The following RORB variants were observed in gnomAD, a reference collection of about 807,000 sequenced individuals.
The protein encoded by RORB is nuclear receptor ROR-beta.
RORB carries 6 observed loss-of-function variants against 59.1 expected under a neutral mutation model. The ratio of observed to expected loss-of-function variants is 0.10; its 90% confidence interval spans 0.06 to 0.20. The LOEUF is 0.20. Ranked by LOEUF, RORB falls within the 10% of genes least tolerant of loss-of-function variation. RORB has a pLI of 1.00. For synonymous variants in RORB, 215 were observed against 204.5 expected (o/e 1.05, Z -0.44); for missense variants, 320 against 560.5 (o/e 0.57, Z 4.33).
chr9:74,570,651 C>A (rs1822537333), intron 1 of RORB, among the ~76,000 whole-genome samples: 1 of 152,020 alleles, frequency 6.6e-6, no homozygotes, highest in African/African-American at 2.4e-5. Flanking sequence ...TTCTAGCTTT[C>A]ACATAAGAAA....
Position 74,603,335 on chromosome 9 carries a change from C to A in RORB, c.8-26947C>A, listed in dbSNP as rs147742210. On this transcript the variant is annotated intron_variant, in intron 1 of 9. Coordinates refer to ENST00000376896, the MANE Select transcript of RORB (RefSeq NM_006914.4). ...CATGCTCAGTAGCAACCACCATCTT[C>A]TGACCGCTTTCTATTTGCCAAGCAC... Among the ~76,000 whole-genome samples, 1,007 of 152,310 alleles carry A rather than the reference C, an allele frequency of 6.6e-3. 6 individuals carry two copies. The highest frequency in any genetic ancestry group is 0.011 in the Non-Finnish European group (727 of 68,036).
intron 2 of RORB, among the ~76,000 whole-genome samples, chr9:74,631,956 C>T (rs575958218): frequency 6.5e-4 from 99 of 152,248 alleles, no homozygotes; most frequent in Non-Finnish European, 1.0e-3. Flanking sequence ...AGTCAGAATC[C>T]TCTCCATTGA....
intron 4 of RORB, among the ~76,000 whole-genome samples, chr9:74,647,457 G>A (rs971318448): frequency 1.3e-5 from 2 of 152,076 alleles, no homozygotes; most frequent in African/African-American, 2.4e-5. Flanking sequence ...CATCAAATTA[G>A]CTACAATGCT....
At chr9:74,556,850 A>G (rs1822299705) in intron 1 of RORB, among the ~76,000 whole-genome samples, 2 of 152,162 alleles carry the variant, frequency 1.3e-5, no homozygotes, top group Admixed American at 6.5e-5. Context: ...CCATCCTGCT[A>G]TTGCTACAAT....
intron 2 of RORB, 145 bp from the exon 3 acceptor site, chr9:74,634,482 TGCAA>T: frequency 1.5e-6 from 1 of 646,064 alleles, no homozygotes; most frequent in East Asian, 3.0e-5. Context: ...CAGAAATATC[TGCAA>T]GCCATACAAG....
chr9:74,665,635 C>T (rs1421331799), intron 7 of RORB, 40 bp downstream of exon 7: 6 of 1,233,208 alleles, frequency 4.9e-6, no homozygotes, highest in African/African-American at 3.0e-5. Flanking sequence ...TTATTAGCCA[C>T]CATCAGTTTC....
At chr9:74,579,785 CAG>C (rs1260658417) in intron 1 of RORB, among the ~76,000 whole-genome samples, 3 of 152,122 alleles carry the variant, frequency 2.0e-5, no homozygotes, top group East Asian at 1.9e-4. Flanking sequence ...TGTCAGTGGA[CAG>C]AGTTTCTTTC....
rs183302029 is a variant in RORB, at chr9:74,617,317, T to C, written c.8-12965T>C. 8.8e-4 allele frequency among the ~76,000 whole-genome samples: 134 copies of C among 152,278 alleles called. No homozygotes were observed. The Middle Eastern group carries it at 0.017, about 19-fold the overall frequency. ...GATTGTTCTACTTGTAAAAAAGCAA[T>C]TTGAAAGATGGAAATTTGTTAAAGT... is the stretch of plus-strand genomic sequence containing the variant. On this transcript the variant is annotated intron_variant, in intron 1 of 9. Transcript: ENST00000376896.
chr9:74,527,255 T>C (rs1826168220), intron 1 of RORB, among the ~76,000 whole-genome samples: 1 of 152,012 alleles, frequency 6.6e-6, no homozygotes, highest in Admixed American at 6.6e-5. Flanking sequence ...TACTATACTC[T>C]ACTATGGAAA....
At chr9:74,649,236 C>T (rs1279789257) in intron 4 of RORB, among the ~76,000 whole-genome samples, 1 of 152,138 alleles carries the variant, frequency 6.6e-6, no homozygotes, top group Non-Finnish European at 1.5e-5. Flanking sequence ...CAGGCATGAG[C>T]CACCATGCCC....
At chr9:74,546,041 T>C (rs1002040608) in intron 1 of RORB, among the ~76,000 whole-genome samples, 1 of 152,156 alleles carries the variant, frequency 6.6e-6, no homozygotes, top group African/African-American at 2.4e-5. Flanking sequence ...TTTTTATAGT[T>C]CTAGATAAAA....
At chr9:74,618,752 T>C (rs969373206) in intron 1 of RORB, among the ~76,000 whole-genome samples, 2 of 152,040 alleles carry the variant, frequency 1.3e-5, no homozygotes, top group Admixed American at 1.3e-4. Context: ...TGTGTGTGTG[T>C]ATATGTGTGT....
At chr9:74,668,971 G>T (rs1045026802) in intron 8 of RORB, among the ~76,000 whole-genome samples, 4 of 152,092 alleles carry the variant, frequency 2.6e-5, no homozygotes, top group Non-Finnish European at 4.4e-5. Flanking sequence ...GGACATTCTG[G>T]TGCCAGCTCT....
At chr9:74,534,825 A>G (rs925302214) in intron 1 of RORB, among the ~76,000 whole-genome samples, 20 of 152,092 alleles carry the variant, frequency 1.3e-4, no homozygotes, top group African/African-American at 4.3e-4. Flanking sequence ...TGGCTATGTC[A>G]GGACATTACT....
intron 1 of RORB, among the ~76,000 whole-genome samples, chr9:74,608,334 G>A (rs1335105760): frequency 6.6e-6 from 1 of 152,088 alleles, no homozygotes; most frequent in East Asian, 1.9e-4. Context: ...GGGAGGCCGA[G>A]GCGGGCGGAT....
At chr9:74,661,713 C>T (rs1187006589) in intron 5 of RORB, among the ~76,000 whole-genome samples, 2 of 129,872 alleles carry the variant, frequency 1.5e-5, no homozygotes, top group African/African-American at 2.9e-5. Context: ...GGCGCGATCT[C>T]GGCTCACTGC....
chr9:74,589,581 C>A (rs1375029897), intron 1 of RORB, among the ~76,000 whole-genome samples: 1 of 152,208 alleles, frequency 6.6e-6, no homozygotes, highest in Non-Finnish European at 1.5e-5. Flanking sequence ...ACAGATGCGG[C>A]TAGTAAAGTG....
chr9:74,512,772 C>T (rs1323096548), intron 1 of RORB, among the ~76,000 whole-genome samples: 2 of 152,114 alleles, frequency 1.3e-5, no homozygotes, highest in African/African-American at 4.8e-5. Context: ...TGTGTATTCT[C>T]TGAGAAAGCT....
chr9:74,613,808 T>G (rs897135295), intron 1 of RORB, among the ~76,000 whole-genome samples: 2 of 152,188 alleles, frequency 1.3e-5, no homozygotes, highest in African/African-American at 4.8e-5. Flanking sequence ...AAGACAGGAA[T>G]AAAAGGAGGA....
Sources: allele counts gnomAD v4.1 joint callset (sites outside exome capture counted in the v4.1 genomes callset), GRCh38; gene constraint gnomAD v4.1.1; transcripts MANE v1.5; gene names NCBI Gene and HGNC (gene_info 2026-07-23, HGNC 2026-07-21).